The following NRXN2 variants were observed in gnomAD, a reference collection of about 807,000 sequenced individuals.
The protein encoded by NRXN2 is neurexin 2.
In NRXN2, 29 loss-of-function variants were observed where a neutral mutation model predicts 128.8. That is an observed-to-expected ratio of 0.23 (90% confidence interval 0.17 to 0.31). The LOEUF (loss-of-function observed/expected upper bound fraction) is 0.31, where lower values mean the gene tolerates loss of function less well. Ranked by LOEUF, NRXN2 falls within the 10% of genes least tolerant of loss-of-function variation. The pLI is 1.00. For missense variants in NRXN2, 1,881 were observed against 2,452.6 expected (o/e 0.77, Z 4.92); for synonymous variants, 1,098 against 1,075.2 (o/e 1.02, Z -0.41).
chr11:64,691,757 C>T (rs2053835875), intron 4 of NRXN2, among the ~76,000 whole-genome samples: 3 of 152,202 alleles, frequency 2.0e-5, no homozygotes, highest in South Asian at 4.1e-4. Context: ...ACACTTCTTG[C>T]CATAATTCCA....
intron 22 of NRXN2, among the ~76,000 whole-genome samples, chr11:64,610,135 GA>G (rs2040394862): frequency 6.6e-6 from 1 of 151,984 alleles, no homozygotes; most frequent in Admixed American, 6.5e-5. Flanking sequence ...CCTTTCCATT[GA>G]ACTTGAAGGC....
Position 64,623,153 on chromosome 11 carries a change from A to G in NRXN2, c.3848-75T>C. The G allele has an allele frequency of 2.0e-6, 3 of 1,515,204 alleles. No homozygotes were observed. In the African/African-American group the frequency reaches 4.1e-5, roughly 21 times the overall value. 93.9% of individuals were successfully genotyped at this position (1,515,204 alleles called of 1,614,324 possible). On this transcript the variant is annotated intron_variant, in intron 20 of 22. Transcript: ENST00000265459. This position sits in a 1 kb window ranked among gnomAD's most constrained non-coding sequence, Gnocchi z 4.9. ...GACCAGGAAGGGAAGGAAGAAAAGA[A>G]GGAAGCCAAGGAGAGGAAAGAGGAA...
chr11:64,715,839 A>G (rs1455202242), intron 1 of NRXN2, among the ~76,000 whole-genome samples: 1 of 152,176 alleles, frequency 6.6e-6, no homozygotes, highest in African/African-American at 2.4e-5. Context: ...GCCTCTCCTC[A>G]TTGGGTAATG....
At chr11:64,710,977 T>C (rs2056831757) in intron 2 of NRXN2, among the ~76,000 whole-genome samples, 1 of 152,154 alleles carries the variant, frequency 6.6e-6, no homozygotes, top group Non-Finnish European at 1.5e-5. Flanking sequence ...CTTAACTTAA[T>C]ACACAGTTCC....
intron 17 of NRXN2, among the ~76,000 whole-genome samples, chr11:64,640,480 G>A (rs1005293726): frequency 2.6e-5 from 4 of 152,104 alleles, no homozygotes; most frequent in Admixed American, 6.5e-5. Context: ...GGGCACCTTT[G>A]GGGGCAACAC....
At chr11:64,639,355 A>C (rs1292952191) in intron 17 of NRXN2, among the ~76,000 whole-genome samples, 1 of 151,772 alleles carries the variant, frequency 6.6e-6, no homozygotes, top group Non-Finnish European at 1.5e-5. Flanking sequence ...ATCCAAGTTA[A>C]CACACCCTGT....
At chr11:64,638,055 A>G (rs2135400215) in intron 17 of NRXN2, among the ~76,000 whole-genome samples, 1 of 152,242 alleles carries the variant, frequency 6.6e-6, no homozygotes, top group South Asian at 2.1e-4. Flanking sequence ...GCAGCCAGGA[A>G]ACATGGCGGT....
chr11:64,669,710 G>A (rs1327594743), intron 7 of NRXN2, among the ~76,000 whole-genome samples: 1 of 152,170 alleles, frequency 6.6e-6, no homozygotes, highest in Non-Finnish European at 1.5e-5. Flanking sequence ...AGCCCACAAG[G>A]TTCAAGACAC....
rs1038821369 is a variant in NRXN2 at position 64,714,860 on chromosome 11, C to T, written c.-244-917G>A. Among the ~76,000 whole-genome samples the T allele has an allele frequency of 2.6e-5, 4 of 152,152 alleles. No homozygotes were observed. The highest frequency in any genetic ancestry group is 2.6e-4 in the Admixed American group (4 of 15,282). On this transcript the variant is annotated intron_variant, in intron 1 of 22. Coordinates refer to ENST00000265459, the MANE Select transcript of NRXN2 (RefSeq NM_015080.4). The surrounding 1 kb of genome is among the most constrained non-coding windows in gnomAD (Gnocchi z 4.5). ...CTGTCAGAGAGCAATTTATACCCCACGCCGGGGAGGGGAATTTGCATCTCG... is the reference window on the plus strand; with the variant it reads ...CTGTCAGAGAGCAATTTATACCCCATGCCGGGGAGGGGAATTTGCATCTCG...
At chr11:64,644,154 G>C (rs2046284830) in intron 17 of NRXN2, among the ~76,000 whole-genome samples, 1 of 152,164 alleles carries the variant, frequency 6.6e-6, no homozygotes, top group African/African-American at 2.4e-5. Flanking sequence ...GCACACACAC[G>C]TTTGATCACA....
chr11:64,633,212 G>A (rs922305374), intron 18 of NRXN2, among the ~76,000 whole-genome samples: 11 of 152,292 alleles, frequency 7.2e-5, no homozygotes, highest in South Asian at 4.1e-4. Flanking sequence ...CCTTCTCCTC[G>A]CATCCTGATC....
At chr11:64,636,890 T>C (rs545055608) in intron 17 of NRXN2, among the ~76,000 whole-genome samples, 1 of 152,136 alleles carries the variant, frequency 6.6e-6, no homozygotes, top group Admixed American at 6.5e-5. Context: ...GTTGGGGCAA[T>C]CAGGGGTGAG....
At chr11:64,612,985 A>G (rs748649262) in intron 22 of NRXN2, among the ~76,000 whole-genome samples, 10 of 152,234 alleles carry the variant, frequency 6.6e-5, no homozygotes, top group Non-Finnish European at 1.5e-4. Context: ...CCCTGGGCAG[A>G]TATCAGCCCC....
At chr11:64,615,857 T>C (rs199700269) in intron 22 of NRXN2, among the ~76,000 whole-genome samples, 4 of 99,242 alleles carry the variant, frequency 4.0e-5, no homozygotes, top group East Asian at 3.5e-4. Context: ...TGTGTGTGTG[T>C]GTGTGTGTGT....
Position 64,652,060 on chromosome 11 carries a change from C to T in NRXN2, c.2511G>A (p.Leu837=), listed in dbSNP as rs1333775776. The part of the protein sequence containing the change: ...RVVRRGKSLQ[L]SVDNVTVEGQ... ...CCTCCACAGTCACGTTGTCCACAGA[C>T]AGCTGCAGGCTCTTGCCACGCCGGA... The change falls in exon 13 of 23, where the codon CTG becomes CTA. Residue 837 remains leucine (L), a synonymous_variant. Coordinates refer to ENST00000265459, the MANE Select transcript of NRXN2 (RefSeq NM_015080.4). The T allele has an allele frequency of 6.2e-7, 1 of 1,613,064 alleles. No homozygotes were observed. The highest frequency in any genetic ancestry group is 2.2e-5 in the East Asian group (1 of 44,898).
intron 22 of NRXN2, among the ~76,000 whole-genome samples, chr11:64,617,374 C>A (rs1430069226): frequency 6.6e-6 from 1 of 152,130 alleles, no homozygotes; most frequent in East Asian, 1.9e-4. Context: ...GGGGCCAGGC[C>A]CAGGACACAA....
intron 2 of NRXN2, among the ~76,000 whole-genome samples, chr11:64,710,690 G>T (rs1302931866): frequency 6.6e-6 from 1 of 152,242 alleles, no homozygotes; most frequent in Non-Finnish European, 1.5e-5. Context: ...TAAGGTTCTG[G>T]AAAGAAAGAG....
At chr11:64,709,057 T>C (rs935154895) in intron 2 of NRXN2, among the ~76,000 whole-genome samples, 4 of 151,880 alleles carry the variant, frequency 2.6e-5, no homozygotes, top group African/African-American at 9.7e-5. Context: ...CTGGACATAG[T>C]GGCGGGCGCC....
intron 7 of NRXN2, among the ~76,000 whole-genome samples, chr11:64,669,877 G>C (rs2050393759): frequency 6.6e-6 from 1 of 152,220 alleles, no homozygotes; most frequent in Non-Finnish European, 1.5e-5. Context: ...TGCTTCTGCA[G>C]GCCACAGCTC....
Sources: gnomAD v4.1 joint callset for allele counts (sites outside exome capture counted in the v4.1 genomes callset) on GRCh38, gnomAD v4.1.1 for gene constraint, Gnocchi (gnomAD v3.1) non-coding constraint, MANE v1.5 for transcripts, NCBI Gene and HGNC (gene_info 2026-07-23, HGNC 2026-07-21) for gene names.